The following KATNAL1 variants were observed in gnomAD, a reference collection of about 807,000 sequenced individuals.
The protein encoded by KATNAL1 is katanin catalytic subunit A1 like 1, also known as katanin p60 ATPase-containing subunit A-like 1.
A neutral mutation model predicts 55.2 loss-of-function variants in KATNAL1; 32 were observed. That is an observed-to-expected ratio of 0.58 (90% CI 0.44 to 0.78). The LOEUF (loss-of-function observed/expected upper bound fraction) is 0.78, where lower values mean the gene tolerates loss of function less well. Ranked by LOEUF, KATNAL1 falls within the 30% of genes least tolerant of loss-of-function variation. The pLI, the probability that KATNAL1 is intolerant of heterozygous loss-of-function variation, is 0.00. For synonymous variants in KATNAL1, 193 were observed against 193.6 expected, an observed-to-expected ratio of 1.00 and a Z score of 0.02; for missense variants, 466 against 600.9, an observed-to-expected ratio of 0.78 and a Z score of 2.35.
At chr13:30,265,495 G>T (rs555591700) in intron 3 of KATNAL1, among the ~76,000 whole-genome samples, 2 of 152,036 alleles carry the variant, frequency 1.3e-5, no homozygotes, top group Admixed American at 6.5e-5. Flanking sequence ...ACAACGTTAT[G>T]ATACAAGTTG....
intron 1 of KATNAL1, among the ~76,000 whole-genome samples, chr13:30,291,960 G>C (rs552533880): frequency 1.3e-4 from 20 of 152,212 alleles, no homozygotes; most frequent in African/African-American, 4.8e-4. Flanking sequence ...GCTTTGACCT[G>C]GAAGGAGGAG....
chr13:30,219,665 T>A (rs1460013319), intron 9 of KATNAL1, among the ~76,000 whole-genome samples: 1 of 152,210 alleles, frequency 6.6e-6, no homozygotes, highest in East Asian at 1.9e-4. Flanking sequence ...AGAATGGAGT[T>A]CTAATTATAA....
intron 3 of KATNAL1, among the ~76,000 whole-genome samples, chr13:30,270,871 A>C (rs561592565): frequency 6.6e-6 from 1 of 151,596 alleles, no homozygotes; most frequent in Admixed American, 6.6e-5. Flanking sequence ...TGACCCTGCC[A>C]AATCCCCCTC....
intron 3 of KATNAL1, among the ~76,000 whole-genome samples, chr13:30,260,067 G>C (rs897517297): frequency 2.0e-5 from 3 of 152,106 alleles, no homozygotes; most frequent in Non-Finnish European, 2.9e-5. Context: ...CCCTGACCCC[G>C]ACCCCCCAGC....
chr13:30,277,687 A>G (rs955560241), intron 3 of KATNAL1, among the ~76,000 whole-genome samples: 1 of 152,202 alleles, frequency 6.6e-6, no homozygotes, highest in Non-Finnish European at 1.5e-5. Flanking sequence ...ACAAACCAGC[A>G]TAAGATTTAA....
intron 2 of KATNAL1, among the ~76,000 whole-genome samples, chr13:30,280,442 TA>T (rs913007309): frequency 1.7e-4 from 26 of 152,308 alleles, no homozygotes; most frequent in African/African-American, 5.1e-4. Context: ...AATAAGTAGT[TA>T]TATATCTTTC....
At chr13:30,246,065 C>T (rs941331483) in intron 4 of KATNAL1, among the ~76,000 whole-genome samples, 3 of 152,044 alleles carry the variant, frequency 2.0e-5, no homozygotes, top group African/African-American at 7.3e-5. Flanking sequence ...TCATATGGAA[C>T]CAAAAAGAGC....
rs71747871 is a variant in KATNAL1 at position 30,208,193 on chromosome 13, GA to G, written c.*346del. ...CTCATGTTGACAGAGCACAGAATTG[GA>G]AAAAAAAACTGCAAATGAGAAATAG... On this transcript the variant is annotated 3_prime_UTR_variant, in exon 11 of 11. Coordinates refer to ENST00000380615, the MANE Select transcript of KATNAL1 (RefSeq NM_032116.5). 9 of 168,318 alleles carry G rather than the reference GA, an allele frequency of 5.3e-5. No homozygotes were observed. The highest frequency in any genetic ancestry group is 1.6e-4 in the East Asian group (1 of 6,094). The allele number at this position is 168,318 out of a possible 1,614,324, so 10.4% of individuals were successfully genotyped here.
intron 6 of KATNAL1, among the ~76,000 whole-genome samples, chr13:30,237,104 C>T (rs1375643145): frequency 1.3e-5 from 2 of 152,208 alleles, no homozygotes; most frequent in African/African-American, 4.8e-5. Flanking sequence ...TACCACATGG[C>T]CTCCATTAAA....
intron 3 of KATNAL1, among the ~76,000 whole-genome samples, chr13:30,279,316 T>C (rs1881095596): frequency 6.6e-6 from 1 of 152,242 alleles, no homozygotes; most frequent in African/African-American, 2.4e-5. Flanking sequence ...ATGGTCCTTG[T>C]CCTTGCAAAT....
intron 3 of KATNAL1, among the ~76,000 whole-genome samples, chr13:30,262,648 A>G (rs2137481289): frequency 1.3e-5 from 2 of 151,864 alleles, no homozygotes; most frequent in South Asian, 4.2e-4. Context: ...CGACACATAC[A>G]CCCTCCCAAG....
chr13:30,303,064 A>G (rs1469072451), intron 1 of KATNAL1, among the ~76,000 whole-genome samples: 1 of 152,240 alleles, frequency 6.6e-6, no homozygotes. Flanking sequence ...AAGATTTCAA[A>G]CCAAAGCTCA....
rs1873212780 is a variant in KATNAL1 at position 30,206,987 on chromosome 13, T to C, written c.*1553A>G. 6.6e-6 allele frequency: 1 copy of C among 152,138 alleles called. No homozygotes were observed. The highest frequency in any genetic ancestry group is 1.5e-5 in the Non-Finnish European group (1 of 68,018). The allele number at this position is 152,138 out of a possible 1,614,324, so 9.4% of individuals were successfully genotyped here. ...TGGAGTTTAGGTCAGACTTAAGTTA[T>C]CTGAAAAGAACATAAGGCATTTACA... On this transcript the variant is annotated 3_prime_UTR_variant, in exon 11 of 11. Coordinates refer to ENST00000380615, the MANE Select transcript of KATNAL1 (RefSeq NM_032116.5).
intron 9 of KATNAL1, among the ~76,000 whole-genome samples, 184 bp downstream of exon 9, chr13:30,227,228 T>TA (rs1875585620): frequency 6.6e-6 from 1 of 152,202 alleles, no homozygotes; most frequent in South Asian, 2.1e-4. Context: ...GTTCCAAACT[T>TA]AAGAATTTCT....
At chr13:30,246,597 A>C (rs978746557) in intron 4 of KATNAL1, among the ~76,000 whole-genome samples, 1 of 152,144 alleles carries the variant, frequency 6.6e-6, no homozygotes, top group African/African-American at 2.4e-5. Context: ...TCATCAGAGC[A>C]AACAGGCAAC....
At chr13:30,221,151 T>C (rs1396781672) in intron 9 of KATNAL1, among the ~76,000 whole-genome samples, 2 of 152,218 alleles carry the variant, frequency 1.3e-5, no homozygotes, top group African/African-American at 4.8e-5. Flanking sequence ...ATACAAGCCT[T>C]GGGGTCTAGT....
chr13:30,267,894 C>T (rs751945738), intron 3 of KATNAL1, among the ~76,000 whole-genome samples: 1 of 152,130 alleles, frequency 6.6e-6, no homozygotes, highest in Middle Eastern at 3.2e-3. Context: ...GAGACAGGGT[C>T]GTAGCCCCAC....
At chr13:30,248,269 C>A (rs1026461954) in intron 4 of KATNAL1, among the ~76,000 whole-genome samples, 2 of 152,118 alleles carry the variant, frequency 1.3e-5, no homozygotes, top group Non-Finnish European at 2.9e-5. Context: ...AAAAAAACAA[C>A]GGTGGGTGAG....
intron 3 of KATNAL1, among the ~76,000 whole-genome samples, chr13:30,257,081 T>C (rs996475307): frequency 2.0e-5 from 3 of 152,210 alleles, no homozygotes. Flanking sequence ...ATTCTACCTA[T>C]AAAATAAAAA....
Sources: gnomAD v4.1 joint callset for allele counts (sites outside exome capture counted in the v4.1 genomes callset) on GRCh38, gnomAD v4.1.1 for gene constraint, MANE v1.5 for transcripts, NCBI Gene and HGNC (gene_info 2026-07-23, HGNC 2026-07-21) for gene names.